The following BSCL2 variants were observed in gnomAD, a reference collection of about 807,000 sequenced individuals.
BSCL2 encodes seipin.
BSCL2 carries 41 observed loss-of-function variants against 57.4 expected under a neutral mutation model. The observed-to-expected ratio is 0.71, with a 90% CI of 0.56 to 0.93. The LOEUF is 0.93. Ranked by LOEUF, BSCL2 falls within the 40% of genes least tolerant of loss-of-function variation. The pLI is 0.00. For missense variants in BSCL2, 539 were observed against 586.7 expected (o/e 0.92, Z 0.84); for synonymous variants, 237 against 227.3 (o/e 1.04, Z -0.38).
At chr11:62,707,624 T>G, upstream of BSCL2, 1 of 498,312 alleles carries the variant, frequency 2.0e-6, no homozygotes, top group Non-Finnish European at 3.7e-6. Context: ...TGCAGGCAGC[T>G]AGGCTCCCCC....
At chr11:62,696,562 C>A (rs959631575) in intron 3 of BSCL2, among the ~76,000 whole-genome samples, 2 of 149,768 alleles carry the variant, frequency 1.3e-5, no homozygotes, top group African/African-American at 4.9e-5. Flanking sequence ...TCTATTAATT[C>A]TTTTCTTTTT....
chr11:62,707,264 G>A lies in BSCL2; in HGVS notation c.-69C>T. ...ACTTGTGGCTAAAACGTGAAGTGGC[G>A]ATCCAGACGCTGATACCTGTGGCGC... On this transcript the variant is annotated 5_prime_UTR_variant, in exon 1 of 11. Transcript: ENST00000360796. 7.5e-7 allele frequency: 1 copy of A among 1,331,950 alleles called. No individual in the cohort carries two copies. The highest frequency in any genetic ancestry group is 1.5e-5 in the African/African-American group (1 of 68,696). The allele number at this position is 1,331,950 out of a possible 1,614,324, so 82.5% of individuals were successfully genotyped here.
chr11:62,705,775 C>CA (rs1426425648), intron 1 of BSCL2, 158 bp from the exon 2 acceptor site: 8 of 733,504 alleles, frequency 1.1e-5, no homozygotes, highest in African/African-American at 1.8e-5. Context: ...GCCACTCTGC[C>CA]AATTACCCCT....
At position 62,705,526 on chromosome 11, in the gene BSCL2, G is replaced by C; in HGVS notation, c.179C>G (p.Pro60Arg). Reference protein sequence around the residue: ...NARPEPGARHPALPAMVNDPP... With the variant: ...NARPEPGARHRALPAMVNDPP... ...GTCGTTGACCATGGCCGGGAGAGCAGGGTGTCTGGCCCCAGGTTCAGGCCT... is the reference window on the plus strand; with the variant it reads ...GTCGTTGACCATGGCCGGGAGAGCACGGTGTCTGGCCCCAGGTTCAGGCCT... The change falls in exon 2 of 11, where the codon CCT (proline) becomes CGT (arginine). Residue 60 changes from proline to arginine, a missense_variant. Physicochemically the swap from Pro to Arg is moderately radical, Grantham distance 103. Coordinates refer to ENST00000360796, the MANE Select transcript of BSCL2 (RefSeq NM_001122955.4). 2 of 1,613,268 alleles carry C rather than the reference G, an allele frequency of 1.2e-6. No individual in the cohort carries two copies. The highest frequency in any genetic ancestry group is 1.3e-5 in the African/African-American group (1 of 75,046).
Position 62,691,135 on chromosome 11 carries a change from T to G in BSCL2, c.1012A>C (p.Ile338Leu). ...PRHRFSLQVNIRKRDNSRKEV... is the reference protein window; with the variant it reads ...PRHRFSLQVNLRKRDNSRKEV... ...TTCCGGGAATTGTCTCTTTTTCGGA[T>G]GTTAACCTGTGGAGGAAAAACTACT... The change falls in exon 8 of 11, where the codon ATC becomes CTC. Residue 338 changes from isoleucine (I) to leucine (L), a missense_variant. Coordinates refer to ENST00000360796, the MANE Select transcript of BSCL2 (RefSeq NM_001122955.4). 6.2e-7 allele frequency: 1 copy of G among 1,614,222 alleles called. No individual in the cohort carries two copies. The highest frequency in any genetic ancestry group is 8.5e-7 in the Non-Finnish European group (1 of 1,180,038).
intron 4 of BSCL2, among the ~76,000 whole-genome samples, chr11:62,694,307 G>C (rs189367301): frequency 7.2e-6 from 1 of 139,028 alleles, no homozygotes; most frequent in Non-Finnish European, 1.5e-5. Flanking sequence ...AGGTTTAAGC[G>C]ATCCTCCCAC....
At chr11:62,708,394 G>C (rs764339046), upstream of BSCL2, 1 of 1,606,800 alleles carries the variant, frequency 6.2e-7, no homozygotes, top group Non-Finnish European at 8.5e-7. Context: ...GTCGGATAAA[G>C]GTAGGTGGGA....
rs569594965 is a variant in BSCL2 at position 62,690,974 on chromosome 11, G to A, written c.1072+101C>T. The A allele has an allele frequency of 2.7e-5, 42 of 1,577,240 alleles. No individual in the cohort carries two copies. The African/African-American group carries it at 4.9e-4, about 18-fold the overall frequency. ...CTTTCCTTTGACCCTTGTCTCAGTC[G>A]GTGATACCCTAAGCCTCATACTGGA... is the stretch of plus-strand genomic sequence containing the variant. On this transcript the variant is annotated intron_variant, in intron 8 of 10. Transcript: ENST00000360796.
intron 3 of BSCL2, among the ~76,000 whole-genome samples, chr11:62,701,203 T>C (rs1297771344): frequency 3.9e-5 from 6 of 152,212 alleles, no homozygotes. Context: ...AATAGCTCAT[T>C]TGTTCATTTA....
intron 3 of BSCL2, among the ~76,000 whole-genome samples, chr11:62,699,677 T>G (rs1945582941): frequency 6.3e-5 from 1 of 15,764 alleles, no homozygotes; most frequent in Non-Finnish European, 2.2e-4. Flanking sequence ...CCTATCTGGT[T>G]TTTTTTTTTT....
intron 2 of BSCL2, among the ~76,000 whole-genome samples, chr11:62,703,519 A>AT (rs898488957): frequency 6.7e-6 from 1 of 150,352 alleles, no homozygotes; most frequent in African/African-American, 2.4e-5. Flanking sequence ...CGCCCGGCTA[A>AT]TTTTTTTATT....
chr11:62,706,660 A>G (rs1032306997), intron 1 of BSCL2: 6 of 475,806 alleles, frequency 1.3e-5, no homozygotes, highest in Non-Finnish European at 2.2e-5. Context: ...TGAGGCGGTC[A>G]TCCAGCTGGC....
chr11:62,693,021 C>T (rs540168724), intron 4 of BSCL2, among the ~76,000 whole-genome samples: 3 of 152,258 alleles, frequency 2.0e-5, no homozygotes, highest in South Asian at 4.1e-4. Context: ...AAAGGCCCCT[C>T]CTTCCAAGAA....
At chr11:62,704,568 CAA>C (rs60839685) in intron 2 of BSCL2, among the ~76,000 whole-genome samples, 7 of 150,104 alleles carry the variant, frequency 4.7e-5, no homozygotes, top group Admixed American at 4.6e-4. Flanking sequence ...AATAACAAAA[CAA>C]AAAAAAACCC....
intron 2 of BSCL2, among the ~76,000 whole-genome samples, chr11:62,703,901 G>A (rs76206063): frequency 0.026 from 3,690 of 142,596 alleles, 77 homozygotes; most frequent in East Asian, 0.14. Flanking sequence ...GGTGGATCAC[G>A]AGGTCAGGAG....
At chr11:62,691,853 ATCCTGGCTAACACGG>A (rs1253819450) in intron 6 of BSCL2, among the ~76,000 whole-genome samples, 1 of 152,168 alleles carries the variant, frequency 6.6e-6, no homozygotes. Context: ...GATTGAGACC[ATCCTGGCTAACACGG>A]TGAAACCCCA....
Position 62,694,719 on chromosome 11 carries a change from A to T in BSCL2, c.487-8T>A, listed in dbSNP as rs1249749635. On this transcript the variant is annotated splice_polypyrimidine_tract_variant and splice_region_variant and intron_variant, in intron 3 of 10. Transcript: ENST00000360796. ...CTGTCCATACATCAGCACCTGCCAA[A>T]GGTAGCCCCCATTTCTTTAAAAAAA... 1.2e-6 allele frequency: 2 copies of T among 1,613,978 alleles called. No homozygotes were observed. Among genetic ancestry groups the T allele is most frequent in the Admixed American group, 1.7e-5 (1 of 59,992 alleles).
intron 3 of BSCL2, 106 bp downstream of exon 3, chr11:62,702,362 G>A (rs367890019): frequency 1.6e-5 from 17 of 1,059,212 alleles, no homozygotes; most frequent in Admixed American, 4.1e-5. Flanking sequence ...CACCGTGCCC[G>A]GCCAGTCTCT....
rs749862649 is a variant in BSCL2 at position 62,692,386 on chromosome 11, T to C, written c.853A>G (p.Thr285Ala). 3.1e-6 allele frequency: 5 copies of C among 1,614,124 alleles called. No individual in the cohort carries two copies. The highest frequency in any genetic ancestry group is 2.7e-5 in the African/African-American group (2 of 75,022). Residue 285 changes from threonine (T) to alanine (A), a missense_variant, in exon 6 of 11, where the codon ACT becomes GCT. Thr to Ala is a moderately conservative substitution (Grantham distance 58). Around this residue, in one of 3 missense-constraint regions of BSCL2, gnomAD observed 248 missense variants for 239.9 expected, o/e 1.03. Coordinates refer to ENST00000360796, the MANE Select transcript of BSCL2 (RefSeq NM_001122955.4). ...CAGTTGGCCCCTCACCTGAGCCCAGTGAAGTGCGCGTGGATGCGGAGGTAG... is the reference window on the plus strand; with the variant it reads ...CAGTTGGCCCCTCACCTGAGCCCAGCGAAGTGCGCGTGGATGCGGAGGTAG... Reference protein sequence around the residue: ...GAYLRIHAHFTGLRYLLYNFP... With the variant: ...GAYLRIHAHFAGLRYLLYNFP...
Sources: gnomAD v4.1 joint callset for allele counts (sites outside exome capture counted in the v4.1 genomes callset) on GRCh38, gnomAD v4.1.1 for gene constraint, gnomAD v4.1.1 regional missense constraint, MANE v1.5 for transcripts, NCBI Gene and HGNC (gene_info 2026-07-23, HGNC 2026-07-21) for gene names.